XPR1: variants seen among roughly 807,000 people sequenced by gnomAD.
XPR1 encodes xenotropic and polytropic retrovirus receptor 1.
XPR1 carries 28 observed loss-of-function variants against 87.5 expected under a neutral mutation model. That is an observed-to-expected ratio of 0.32 (90% CI 0.24 to 0.44). The LOEUF (loss-of-function observed/expected upper bound fraction) is 0.44. XPR1 is among the 20% of genes least tolerant of loss of function. The probability of loss-of-function intolerance (pLI) is 1.00; values close to 1 mark genes in which losing one functional copy is unlikely to be tolerated. For missense variants in XPR1, 559 were observed against 862.3 expected, an observed-to-expected ratio of 0.65 and a Z score of 4.41; for synonymous variants, 300 against 306.1, an observed-to-expected ratio of 0.98 and a Z score of 0.21.
rs1023322318 is a variant in XPR1 at position 180,638,324 on chromosome 1, C to CT, written c.69+6061dup. On this transcript the variant is annotated intron_variant, in intron 1 of 14. Transcript: ENST00000367590. ...CATATATTGGAGATACATAATAAAA[C>CT]TTTTTTTAAATAGGGATTTGACATA... is the stretch of plus-strand genomic sequence containing the variant. Among the ~76,000 whole-genome samples, 21 of 152,150 alleles carry CT rather than the reference C, an allele frequency of 1.4e-4. No homozygotes were observed. The South Asian group carries it at 2.5e-3, about 18-fold the overall frequency.
chr1:180,769,815 G>A (rs2102064412), intron 2 of XPR1, among the ~76,000 whole-genome samples: 1 of 152,252 alleles, frequency 6.6e-6, no homozygotes, highest in South Asian at 2.1e-4. Flanking sequence ...GCTGGGTCAT[G>A]TGGTAACTCT....
chr1:180,688,448 G>A lies in XPR1; in HGVS notation c.121+6037G>A, dbSNP rs372341670. On this transcript the variant is annotated intron_variant, in intron 2 of 14. Transcript: ENST00000367590. ...TACTATTTTGTTATCCTTTTCTGCAGAAAGACTTGTAAATATAGAATACAT... is the reference window on the plus strand; with the variant it reads ...TACTATTTTGTTATCCTTTTCTGCAAAAAGACTTGTAAATATAGAATACAT... Among the ~76,000 whole-genome samples, 3 of 152,048 alleles carry A rather than the reference G, an allele frequency of 2.0e-5. No individual in the cohort carries two copies. The East Asian group carries it at 5.8e-4, about 29-fold the overall frequency.
chr1:180,846,261 C>CAAA lies in XPR1; in HGVS notation c.1501+9559_1501+9561dup, dbSNP rs35729459. On this transcript the variant is annotated intron_variant, in intron 11 of 14. Transcript: ENST00000367590. ...TGGGCTACAGAGTGAGACTTCATCT[C>CAAA]AAAAAAAAAAAAAAAATGTCAAGGG... 2.6e-3 allele frequency among the ~76,000 whole-genome samples: 332 copies of CAAA among 128,260 alleles called. 7 individuals carry two copies. Among genetic ancestry groups the CAAA allele is most frequent in the South Asian group, 0.017 (63 of 3,790 alleles). 84.1% of individuals were successfully genotyped at this position (128,260 alleles called of 152,430 possible). A position where few individuals can be genotyped will look rare whatever the true frequency, so the allele number is the denominator to read the frequency against.
At chr1:180,663,016 G>A (rs1384208514) in intron 1 of XPR1, among the ~76,000 whole-genome samples, 1 of 152,072 alleles carries the variant, frequency 6.6e-6, no homozygotes, top group African/African-American at 2.4e-5. Context: ...ATCTGATAGG[G>A]TTCTGAATTC....
At chr1:180,861,318 T>C (rs1167350400) in intron 11 of XPR1, among the ~76,000 whole-genome samples, 1 of 149,550 alleles carries the variant, frequency 6.7e-6, no homozygotes, top group Non-Finnish European at 1.5e-5. Flanking sequence ...GTTTTGAAAA[T>C]ATGAGGAGTG....
intron 11 of XPR1, among the ~76,000 whole-genome samples, chr1:180,855,799 T>C (rs1652009518): frequency 6.6e-6 from 1 of 152,162 alleles, no homozygotes; most frequent in Non-Finnish European, 1.5e-5. Context: ...AAATTGAGGC[T>C]ATCAGGAATC....
At chr1:180,782,025 C>G (rs775278539) in intron 2 of XPR1, among the ~76,000 whole-genome samples, 1 of 152,028 alleles carries the variant, frequency 6.6e-6, no homozygotes, top group Non-Finnish European at 1.5e-5. Flanking sequence ...CTCTTTCTCT[C>G]TCTCTCAGTG....
At chr1:180,714,527 C>T (rs1246243381) in intron 2 of XPR1, among the ~76,000 whole-genome samples, 2 of 151,950 alleles carry the variant, frequency 1.3e-5, no homozygotes, top group African/African-American at 4.8e-5. Flanking sequence ...ATCTCAGCCT[C>T]CTGAATAATT....
chr1:180,881,106 A>G (rs1450675114), intron 14 of XPR1, among the ~76,000 whole-genome samples: 3 of 152,224 alleles, frequency 2.0e-5, no homozygotes. Flanking sequence ...GAATAGATGA[A>G]GTATGATTGT....
intron 4 of XPR1, 61 bp from the exon 5 acceptor site, chr1:180,806,001 C>A (rs951894563): frequency 6.4e-7 from 1 of 1,564,958 alleles, no homozygotes; most frequent in African/African-American, 1.4e-5. Flanking sequence ...AGTGCTTATT[C>A]TTTTTCATCA....
rs138413115 is a variant in XPR1, at chr1:180,753,398, C to T, written c.122-34355C>T. Reference sequence around the variant, plus strand: ...TGCGCAACGTGGTAAAACCCCATCTCGACAAAAGTTAGCTGGGCATGGTGG... The same window carrying T: ...TGCGCAACGTGGTAAAACCCCATCTTGACAAAAGTTAGCTGGGCATGGTGG... On this transcript the variant is annotated intron_variant, in intron 2 of 14. Coordinates refer to ENST00000367590, the MANE Select transcript of XPR1 (RefSeq NM_004736.4). 2.9e-3 allele frequency among the ~76,000 whole-genome samples: 441 copies of T among 151,838 alleles called. 3 individuals carry two copies. Among genetic ancestry groups the T allele is most frequent in the African/African-American group, 9.6e-3 (398 of 41,418 alleles).
chr1:180,708,008 A>G lies in XPR1; in HGVS notation c.121+25597A>G, dbSNP rs535562207. On this transcript the variant is annotated intron_variant, in intron 2 of 14. Coordinates refer to ENST00000367590, the MANE Select transcript of XPR1 (RefSeq NM_004736.4). Reference sequence around the variant, plus strand: ...GCCTAGTTGGAAATTTAAATAAAACAATTAGGTCAAATGAATTTAGAAAAG... The same window carrying G: ...GCCTAGTTGGAAATTTAAATAAAACGATTAGGTCAAATGAATTTAGAAAAG... Among the ~76,000 whole-genome samples the G allele has an allele frequency of 5.9e-5, 9 of 152,336 alleles. No individual in the cohort carries two copies. In the South Asian group the frequency reaches 1.7e-3, roughly 28 times the overall value.
intron 1 of XPR1, among the ~76,000 whole-genome samples, chr1:180,646,262 G>A (rs1054339762): frequency 6.6e-6 from 1 of 152,166 alleles, no homozygotes; most frequent in African/African-American, 2.4e-5. Flanking sequence ...CAGCAGACAC[G>A]ATCAACTCTT....
At chr1:180,823,531 A>G (rs949633163) in intron 7 of XPR1, among the ~76,000 whole-genome samples, 1 of 152,192 alleles carries the variant, frequency 6.6e-6, no homozygotes, top group African/African-American at 2.4e-5. Flanking sequence ...GGATAATAAA[A>G]TTCATCACGA....
intron 2 of XPR1, among the ~76,000 whole-genome samples, chr1:180,707,839 G>A (rs556562709): frequency 6.6e-6 from 1 of 152,256 alleles, no homozygotes; most frequent in Middle Eastern, 3.4e-3. Context: ...TTATGGTTGT[G>A]GAGATCTTTA....
chr1:180,765,075 G>T (rs142826869), intron 2 of XPR1, among the ~76,000 whole-genome samples: 1 of 152,100 alleles, frequency 6.6e-6, no homozygotes, highest in Non-Finnish European at 1.5e-5. Flanking sequence ...GTGAGCTACC[G>T]CGCTCGGCCC....
intron 2 of XPR1, among the ~76,000 whole-genome samples, chr1:180,712,118 A>G (rs1266960978): frequency 2.6e-5 from 4 of 152,212 alleles, no homozygotes; most frequent in Admixed American, 2.6e-4. Flanking sequence ...ATAAAGTTTA[A>G]TTTCTAAATT....
intron 9 of XPR1, among the ~76,000 whole-genome samples, chr1:180,829,953 G>A (rs1318466981): frequency 6.6e-6 from 1 of 151,906 alleles, no homozygotes; most frequent in Admixed American, 6.6e-5. Flanking sequence ...CAGGTTTTGA[G>A]GATGGGGTTG....
At position 180,837,604 on chromosome 1, in the gene XPR1, G is replaced by A. The variant is rs151235921; in HGVS notation, c.1501+888G>A. On this transcript the variant is annotated intron_variant, in intron 11 of 14. Coordinates refer to ENST00000367590, the MANE Select transcript of XPR1 (RefSeq NM_004736.4). The stretch of plus-strand genomic sequence containing the variant: ...TCAATAAACCTTGAGATTTGATGCA[G>A]CAGATGATATTTATAATATAATTCC... 1.9e-4 allele frequency among the ~76,000 whole-genome samples: 29 copies of A among 152,236 alleles called. 1 individual carries two copies. The East Asian group carries it at 4.2e-3, about 22-fold the overall frequency.
Sources: gnomAD v4.1 joint callset for allele counts (sites outside exome capture counted in the v4.1 genomes callset) on GRCh38, gnomAD v4.1.1 for gene constraint, MANE v1.5 for transcripts, NCBI Gene and HGNC (gene_info 2026-07-23, HGNC 2026-07-21) for gene names.